The following INTS9 variants were observed in gnomAD, a reference collection of about 807,000 sequenced individuals.
INTS9 encodes the protein integrator complex subunit 9, also known as protein related to CPSF subunits of 74 kDa.
INTS9 carries 55 observed loss-of-function variants against 79.7 expected under a neutral mutation model. The ratio of observed to expected loss-of-function variants is 0.69; its 90% CI spans 0.56 to 0.86. The LOEUF is 0.86. INTS9 is among the 40% of genes least tolerant of loss of function. INTS9 has a pLI of 0.00. For synonymous variants in INTS9, 319 were observed against 325.2 expected (o/e 0.98, Z 0.20); for missense variants, 721 against 831.5 (o/e 0.87, Z 1.64).
chr8:28,845,507 T>C (rs1807455223), intron 4 of INTS9, among the ~76,000 whole-genome samples: 1 of 152,212 alleles, frequency 6.6e-6, no homozygotes, highest in South Asian at 2.1e-4. Flanking sequence ...CTGTCTAATT[T>C]AAAAGCTGAG....
intron 2 of INTS9, among the ~76,000 whole-genome samples, chr8:28,855,361 A>G (rs1808090744): frequency 6.6e-6 from 1 of 152,242 alleles, no homozygotes; most frequent in African/African-American, 2.4e-5. Flanking sequence ...AAACCACTGA[A>G]AGGTTTTAAA....
intron 4 of INTS9, among the ~76,000 whole-genome samples, chr8:28,844,565 C>T (rs1445400400): frequency 6.6e-6 from 1 of 152,114 alleles, no homozygotes; most frequent in Non-Finnish European, 1.5e-5. Context: ...GTGGGTCACG[C>T]CTGTAATCCC....
intron 11 of INTS9, among the ~76,000 whole-genome samples, chr8:28,782,076 T>C (rs1196276246): frequency 6.6e-6 from 1 of 152,200 alleles, no homozygotes; most frequent in Non-Finnish European, 1.5e-5. Flanking sequence ...GTAACACTTA[T>C]TAATTTAAAA....
chr8:28,877,131 T>A (rs1222249174), intron 1 of INTS9, among the ~76,000 whole-genome samples: 1 of 151,972 alleles, frequency 6.6e-6, no homozygotes, highest in Admixed American at 6.5e-5. Context: ...TACAAAAAAA[T>A]AAATGTCTGA....
At chr8:28,867,529 AT>A (rs199506918) in intron 1 of INTS9, among the ~76,000 whole-genome samples, 3 of 144,572 alleles carry the variant, frequency 2.1e-5, no homozygotes, top group Non-Finnish European at 4.5e-5. Flanking sequence ...GTGAGCTGAG[AT>A]TAAAAAAAAA....
At chr8:28,858,051 C>T (rs1353415540) in intron 2 of INTS9, among the ~76,000 whole-genome samples, 2 of 152,128 alleles carry the variant, frequency 1.3e-5, no homozygotes, top group African/African-American at 4.8e-5. Flanking sequence ...AACAGTAGAA[C>T]TGGGTAAGGA....
At chr8:28,770,932 G>T (rs1275486045) in intron 15 of INTS9, 50 bp downstream of exon 15, 2 of 1,316,738 alleles carry the variant, frequency 1.5e-6, no homozygotes, top group Non-Finnish European at 1.1e-6. Context: ...AGGTGGTCTG[G>T]TTTCTTGCTG....
chr8:28,835,413 T>TA, intron 5 of INTS9, 35 bp from the exon 6 acceptor site: 2 of 1,543,758 alleles, frequency 1.3e-6, no homozygotes, highest in Non-Finnish European at 8.9e-7. Flanking sequence ...GAACACCCAT[T>TA]AAAAAATTAG....
At chr8:28,842,982 A>G (rs1472991227) in intron 4 of INTS9, among the ~76,000 whole-genome samples, 2 of 152,180 alleles carry the variant, frequency 1.3e-5, no homozygotes, top group Admixed American at 1.3e-4. Context: ...TGTTTATGGC[A>G]TTAGACCACT....
At chr8:28,806,296 A>G (rs1270401544) in intron 8 of INTS9, among the ~76,000 whole-genome samples, 1 of 152,228 alleles carries the variant, frequency 6.6e-6, no homozygotes, top group Admixed American at 6.5e-5. Flanking sequence ...TTAGCTTTTA[A>G]TGCAGTTTTT....
intron 2 of INTS9, among the ~76,000 whole-genome samples, chr8:28,854,553 G>A (rs978140103): frequency 6.6e-6 from 1 of 152,182 alleles, no homozygotes; most frequent in Non-Finnish European, 1.5e-5. Flanking sequence ...TTGCAGGCAA[G>A]TGAGGTGTTC....
At position 28,846,823 on chromosome 8, in the gene INTS9, A is replaced by C; in HGVS notation, c.199-14T>G. 6.2e-7 allele frequency: 1 copy of C among 1,604,824 alleles called. No individual in the cohort carries two copies. The highest frequency in any genetic ancestry group is 8.5e-7 in the Non-Finnish European group (1 of 1,171,648). ...CTCCTTTAGCTCCTAAAAGAAATGAAAAGGAAAAATACAAGGAAGAGATAT... is the reference window on the plus strand; with the variant it reads ...CTCCTTTAGCTCCTAAAAGAAATGACAAGGAAAAATACAAGGAAGAGATAT... On this transcript the variant is annotated splice_polypyrimidine_tract_variant and intron_variant, in intron 3 of 16. Transcript: ENST00000521022.
rs73552987 is a variant in INTS9 at position 28,859,423 on chromosome 8, C to T, written c.137+13G>A. The T allele has an allele frequency of 1.1e-3, 1,760 of 1,613,388 alleles. 16 individuals are homozygous for T. In the African/African-American group the frequency reaches 0.019, roughly 18 times the overall value. On this transcript the variant is annotated intron_variant, in intron 2 of 16. Transcript: ENST00000521022. Reference sequence around the variant, plus strand: ...TTAAAGCTCATTTTGTCTTTGGCTGCACCAGCACATACCTTTGAACAAGTG... The same window carrying T: ...TTAAAGCTCATTTTGTCTTTGGCTGTACCAGCACATACCTTTGAACAAGTG...
At chr8:28,768,648 C>CTAAG (rs1438170462) in intron 16 of INTS9, among the ~76,000 whole-genome samples, 2 of 152,214 alleles carry the variant, frequency 1.3e-5, no homozygotes, top group Middle Eastern at 3.2e-3. Context: ...CAGCTCCCTC[C>CTAAG]TAAGTTTCAG....
intron 11 of INTS9, among the ~76,000 whole-genome samples, chr8:28,786,461 T>C (rs1036948686): frequency 2.0e-5 from 3 of 151,974 alleles, no homozygotes; most frequent in African/African-American, 7.2e-5. Context: ...GGGCTAATTT[T>C]TTGTATTTTT....
chr8:28,814,141 T>C (rs1426686539), intron 6 of INTS9, among the ~76,000 whole-genome samples: 1 of 151,930 alleles, frequency 6.6e-6, no homozygotes, highest in African/African-American at 2.4e-5. Flanking sequence ...AAACGTTTTA[T>C]CATTTGCTCC....
At chr8:28,882,258 A>C (rs1274905888) in intron 1 of INTS9, among the ~76,000 whole-genome samples, 2 of 133,718 alleles carry the variant, frequency 1.5e-5, no homozygotes, top group Non-Finnish European at 3.3e-5. Context: ...TGAAGGCAGC[A>C]TGCTCGTTAA....
At chr8:28,788,030 T>G (rs1803715189) in intron 10 of INTS9, 141 bp from the exon 11 acceptor site, 2 of 501,372 alleles carry the variant, frequency 4.0e-6, no homozygotes, top group Non-Finnish European at 7.3e-6. Context: ...GTGAATGAAA[T>G]CCAGTGCCTA....
intron 1 of INTS9, among the ~76,000 whole-genome samples, chr8:28,887,071 G>A (rs1415360784): frequency 6.6e-6 from 1 of 152,142 alleles, no homozygotes; most frequent in Non-Finnish European, 1.5e-5. Context: ...ATAATTACAA[G>A]TGCTACAAAT....
Sources: gnomAD v4.1 joint callset for allele counts (sites outside exome capture counted in the v4.1 genomes callset) on GRCh38, gnomAD v4.1.1 for gene constraint, MANE v1.5 for transcripts, NCBI Gene and HGNC (gene_info 2026-07-23, HGNC 2026-07-21) for gene names.